MANBA: variants seen among roughly 807,000 people sequenced by gnomAD.
MANBA encodes the protein mannosidase beta.
MANBA carries 83 observed loss-of-function variants against 111.1 expected under a neutral mutation model. That is an observed-to-expected ratio of 0.75 (90% CI 0.63 to 0.90). The LOEUF (loss-of-function observed/expected upper bound fraction) is 0.90, where lower values mean the gene tolerates loss of function less well. MANBA is among the 40% of genes least tolerant of loss of function. MANBA has a pLI of 0.00. For synonymous variants in MANBA, 370 were observed against 378.7 expected (o/e 0.98, Z 0.27); for missense variants, 1,036 against 1,069.0 (o/e 0.97, Z 0.43).
chr4:102,752,409 T>C, intron 1 of MANBA: 2 of 997,288 alleles, frequency 2.0e-6, no homozygotes, highest in Non-Finnish European at 1.6e-6. Flanking sequence ...CAAATACAGG[T>C]TGCGTGACAT....
intron 1 of MANBA, among the ~76,000 whole-genome samples, chr4:102,745,517 C>G (rs1292828545): frequency 6.6e-6 from 1 of 152,116 alleles, no homozygotes; most frequent in Non-Finnish European, 1.5e-5. Context: ...ATGGGTAGGT[C>G]CAAAGTGACC....
intron 7 of MANBA, among the ~76,000 whole-genome samples, chr4:102,678,136 C>T (rs1731805841): frequency 6.6e-6 from 1 of 152,260 alleles, no homozygotes; most frequent in South Asian, 2.1e-4. Context: ...ATAACACTTT[C>T]CAGAATATTT....
chr4:102,685,646 C>G (rs527238391), intron 7 of MANBA, among the ~76,000 whole-genome samples: 42 of 152,240 alleles, frequency 2.8e-4, no homozygotes, highest in South Asian at 8.3e-4. Context: ...TGGCCCCTTT[C>G]CATCAGGATT....
intron 8 of MANBA, 46 bp from the exon 9 acceptor site, chr4:102,671,444 A>C (rs763723397): frequency 9.4e-6 from 10 of 1,063,334 alleles, no homozygotes; most frequent in Admixed American, 7.2e-5. Context: ...GAAAAAAAAA[A>C]CAGATTGTGA....
intron 1 of MANBA, chr4:102,729,689 C>T: frequency 6.4e-7 from 1 of 1,553,162 alleles, no homozygotes; most frequent in African/African-American, 1.4e-5. Context: ...GCTCCGCCTC[C>T]AGCTTCAGCT....
chr4:102,732,368 A>G (rs1723061530), intron 1 of MANBA, among the ~76,000 whole-genome samples: 3 of 152,250 alleles, frequency 2.0e-5, no homozygotes, highest in South Asian at 4.1e-4. Flanking sequence ...GACAGATCCA[A>G]GTTATTTCCT....
chr4:102,702,182 A>G (rs935702764), intron 5 of MANBA, among the ~76,000 whole-genome samples: 5 of 151,618 alleles, frequency 3.3e-5, no homozygotes, highest in African/African-American at 4.9e-5. Flanking sequence ...TTCTTCACGT[A>G]GTTCTCGAGC....
At chr4:102,745,974 CT>C (rs1200668107) in intron 1 of MANBA, among the ~76,000 whole-genome samples, 1 of 152,144 alleles carries the variant, frequency 6.6e-6, no homozygotes, top group Admixed American at 6.5e-5. Flanking sequence ...TTGGGGGTGG[CT>C]CCTGAGGAGA....
At chr4:102,693,819 AC>A (rs1390177830) in intron 5 of MANBA, among the ~76,000 whole-genome samples, 1 of 151,712 alleles carries the variant, frequency 6.6e-6, no homozygotes, top group Non-Finnish European at 1.5e-5. Context: ...GGCCATTCCA[AC>A]CTTTCTTTAA....
intron 11 of MANBA, among the ~76,000 whole-genome samples, 187 bp from the exon 12 acceptor site, chr4:102,658,087 A>G (rs1385338874): frequency 6.6e-6 from 1 of 152,178 alleles, no homozygotes; most frequent in Non-Finnish European, 1.5e-5. Context: ...CCAATCCTTT[A>G]TATCTTTTCA....
intron 1 of MANBA, among the ~76,000 whole-genome samples, chr4:102,745,816 C>A (rs533662253): frequency 1.4e-4 from 21 of 152,292 alleles, no homozygotes; most frequent in South Asian, 4.1e-4. Flanking sequence ...TCCTATGACT[C>A]TTCTCCAGAT....
At chr4:102,731,348 G>A (rs1486943072) in intron 1 of MANBA, among the ~76,000 whole-genome samples, 2 of 152,034 alleles carry the variant, frequency 1.3e-5, no homozygotes, top group African/African-American at 4.8e-5. Context: ...AGCCTCCAGG[G>A]GGAATACTTC....
Position 102,641,990 on chromosome 4 carries a change from A to C in MANBA, c.1870-2133T>G, listed in dbSNP as rs546346291. On this transcript the variant is annotated intron_variant, in intron 13 of 16. Coordinates refer to ENST00000647097, the MANE Select transcript of MANBA (RefSeq NM_005908.4). ...TCTGGCACAGTGCAGTACACTCCAC[A>C]CACAGATGGTACCATGCTAATAACA... is the stretch of plus-strand genomic sequence containing the variant. Among the ~76,000 whole-genome samples, 4 of 152,024 alleles carry C rather than the reference A, an allele frequency of 2.6e-5. No individual in the cohort carries two copies. In the East Asian group the frequency reaches 7.7e-4, roughly 29 times the overall value.
intron 1 of MANBA, chr4:102,734,750 A>G: frequency 1.6e-6 from 1 of 614,906 alleles, no homozygotes; most frequent in Non-Finnish European, 2.9e-6. Flanking sequence ...GACCTCAGAG[A>G]TCTAGACAGT....
At position 102,684,756 on chromosome 4, in the gene MANBA, A is replaced by G. The variant is rs191696881; in HGVS notation, c.960+4818T>C. On this transcript the variant is annotated intron_variant, in intron 7 of 16. Coordinates refer to ENST00000647097, the MANE Select transcript of MANBA (RefSeq NM_005908.4). ...TGTCTGATAAAGGAGAAGGCTGCTG[A>G]GTGACTAACAGGTGGATAATGTATA... Among the ~76,000 whole-genome samples the G allele has an allele frequency of 1.9e-4, 29 of 152,256 alleles. No individual in the cohort carries two copies. The East Asian group carries it at 5.2e-3, about 27-fold the overall frequency.
chr4:102,691,814 T>C (rs1359514831), intron 5 of MANBA, among the ~76,000 whole-genome samples: 1 of 152,160 alleles, frequency 6.6e-6, no homozygotes, highest in Non-Finnish European at 1.5e-5. Context: ...GGCCAAGGAA[T>C]GCTTTCATTA....
At chr4:102,739,973 C>T (rs1723343752) in intron 1 of MANBA, among the ~76,000 whole-genome samples, 1 of 152,124 alleles carries the variant, frequency 6.6e-6, no homozygotes, top group Non-Finnish European at 1.5e-5. Flanking sequence ...AAATAAAGGG[C>T]ATCCAAATCA....
chr4:102,685,633 T>C (rs1732175757), intron 7 of MANBA, among the ~76,000 whole-genome samples: 1 of 152,170 alleles, frequency 6.6e-6, no homozygotes, highest in South Asian at 2.1e-4. Flanking sequence ...TTTCCCTCGC[T>C]ACTGGCCCCT....
intron 7 of MANBA, among the ~76,000 whole-genome samples, chr4:102,689,356 AAAAAT>A (rs1291405084): frequency 1.9e-5 from 2 of 107,892 alleles, no homozygotes; most frequent in Non-Finnish European, 3.7e-5. Context: ...CTCAAAAAAA[AAAAAT>A]ATATATATAT....
Sources: gnomAD v4.1 joint callset for allele counts (sites outside exome capture counted in the v4.1 genomes callset) on GRCh38, gnomAD v4.1.1 for gene constraint, MANE v1.5 for transcripts, NCBI Gene and HGNC (gene_info 2026-07-23, HGNC 2026-07-21) for gene names.